STIMATE: variants seen among roughly 807,000 people sequenced by gnomAD.
STIMATE encodes STIM activating enhancer.
In STIMATE, 15 loss-of-function variants were observed where a neutral mutation model predicts 36.7. That is an observed-to-expected ratio of 0.41 (90% CI 0.27 to 0.63). The LOEUF is 0.63. Among genes scored for constraint, STIMATE ranks in the 20% least tolerant of loss-of-function variants. STIMATE has a pLI of 0.32. For missense variants in STIMATE, 305 were observed against 397.3 expected, an observed-to-expected ratio of 0.77 and a Z score of 1.98; for synonymous variants, 163 against 162.3, an observed-to-expected ratio of 1.00 and a Z score of -0.03.
At chr3:52,846,060 G>C (rs1481669893) in intron 4 of STIMATE, among the ~76,000 whole-genome samples, 1 of 152,204 alleles carries the variant, frequency 6.6e-6, no homozygotes, top group East Asian at 1.9e-4. Flanking sequence ...CCCTGTTTGG[G>C]CACCCATGCT....
chr3:52,872,507 A>G (rs1341059084), intron 1 of STIMATE, among the ~76,000 whole-genome samples: 5 of 152,252 alleles, frequency 3.3e-5, no homozygotes, highest in Non-Finnish European at 5.9e-5. Flanking sequence ...AGCTGTACGC[A>G]AGACTGTCAG....
Position 52,842,910 on chromosome 3 carries a change from C to T in STIMATE, c.669G>A (p.Thr223=), listed in dbSNP as rs373651099. 2.0e-4 allele frequency: 323 copies of T among 1,614,206 alleles called. 16 individuals are homozygous for T. In the South Asian group the frequency reaches 3.1e-3, roughly 16 times the overall value. Residue 223 remains threonine (T), a synonymous_variant, in exon 7 of 8, where the codon ACG becomes ACA. Transcript: ENST00000355083. ...VDNFLMRKGK[T]KAKLEERGAN... ...CTCCCCTTTCTTCTAGCTTAGCTTT[C>T]GTCTTCCCCTTTCTCATGAGGAAAT...
At chr3:52,865,792 C>T (rs753106795) in intron 1 of STIMATE, among the ~76,000 whole-genome samples, 1 of 152,216 alleles carries the variant, frequency 6.6e-6, no homozygotes, top group Non-Finnish European at 1.5e-5. Flanking sequence ...ATCCCAGTCC[C>T]TCTGTTTCCC....
At chr3:52,876,018 C>A (rs1400266877) in intron 1 of STIMATE, among the ~76,000 whole-genome samples, 2 of 152,234 alleles carry the variant, frequency 1.3e-5, no homozygotes, top group Admixed American at 6.5e-5. Context: ...GCCTCCTCTA[C>A]TCCCTAAAGC....
intron 1 of STIMATE, among the ~76,000 whole-genome samples, chr3:52,886,909 T>C (rs370340881): frequency 1.2e-4 from 18 of 152,278 alleles, no homozygotes; most frequent in African/African-American, 4.1e-4. Flanking sequence ...AATGTAATCA[T>C]GAGAAAATAT....
At chr3:52,843,187 C>T (rs569591586) in intron 6 of STIMATE, 28 of 847,712 alleles carry the variant, frequency 3.3e-5, no homozygotes, top group Admixed American at 1.2e-4. Flanking sequence ...CGTGCCCTGA[C>T]GGGTTTTTGT....
chr3:52,897,108 G>A (rs2106744701), intron 1 of STIMATE, among the ~76,000 whole-genome samples, 183 bp downstream of exon 1: 1 of 152,284 alleles, frequency 6.6e-6, no homozygotes, highest in East Asian at 1.9e-4. Context: ...CCTGTCTGGA[G>A]GCCACAGCGA....
rs1437355257 is a variant in STIMATE at position 52,839,851 on chromosome 3, T to C, written c.*643A>G. 1 of 152,566 alleles carries C rather than the reference T, an allele frequency of 6.6e-6. No homozygotes were observed. The highest frequency in any genetic ancestry group is 1.5e-5 in the Non-Finnish European group (1 of 68,020). 9.5% of individuals were successfully genotyped at this position (152,566 alleles called of 1,614,324 possible). ...GTTTTTAAATACAATAGTATGAAAATATAACTTAAAAATATAAAAGTCAAA... is the reference window on the plus strand; with the variant it reads ...GTTTTTAAATACAATAGTATGAAAACATAACTTAAAAATATAAAAGTCAAA... On this transcript the variant is annotated 3_prime_UTR_variant, in exon 8 of 8. Transcript: ENST00000355083.
intron 1 of STIMATE, among the ~76,000 whole-genome samples, chr3:52,861,705 C>T (rs764756610): frequency 2.6e-5 from 4 of 152,276 alleles, no homozygotes; most frequent in Middle Eastern, 3.4e-3. Context: ...TCTGTGTGTC[C>T]GTTTTCCCCA....
chr3:52,897,211 C>G, intron 1 of STIMATE, 80 bp downstream of exon 1: 1 of 1,500,556 alleles, frequency 6.7e-7, no homozygotes, highest in South Asian at 1.2e-5. Context: ...CTGAACTCTC[C>G]GCGCAGGAGG....
In STIMATE at chr3:52,897,317, C is replaced by T; in HGVS notation, c.134G>A (p.Gly45Asp). ...SFGIFLQGLLGVVAFSTLMLK... is the reference protein window; with the variant it reads ...SFGIFLQGLLDVVAFSTLMLK... ...CATTAACGTGCTGAAGGCCACGACG[C>T]CGAGCAGCCCCTGCAGGAAGATGCC... Residue 45 changes from glycine to aspartate, a missense_variant, in exon 1 of 8, where the codon GGC (glycine) becomes GAC (aspartate). Physicochemically the swap from Gly to Asp is moderately conservative, Grantham distance 94. This residue lies in a region of STIMATE where 164 missense variants were observed against 257.9 expected (regional missense o/e 0.64). Transcript: ENST00000355083. 1 of 1,554,000 alleles carries T rather than the reference C, an allele frequency of 6.4e-7. No individual in the cohort carries two copies. The highest frequency in any genetic ancestry group is 2.4e-5 in the East Asian group (1 of 41,906).
chr3:52,861,204 A>G (rs931875196), intron 1 of STIMATE, among the ~76,000 whole-genome samples: 1 of 152,186 alleles, frequency 6.6e-6, no homozygotes, highest in African/African-American at 2.4e-5. Flanking sequence ...ACAGAGCTGG[A>G]AGCCAAGGCT....
intron 1 of STIMATE, among the ~76,000 whole-genome samples, chr3:52,878,734 C>G (rs539815527): frequency 6.6e-6 from 1 of 152,198 alleles, no homozygotes; most frequent in African/African-American, 2.4e-5. Context: ...CCAAGAGAAG[C>G]TGGCTGGTTA....
At chr3:52,846,037 T>C (rs1700893102) in intron 4 of STIMATE, among the ~76,000 whole-genome samples, 3 of 152,248 alleles carry the variant, frequency 2.0e-5, no homozygotes, top group African/African-American at 7.2e-5. Flanking sequence ...GGCTTTATTG[T>C]TTCTGCAGCA....
At chr3:52,853,543 T>C (rs369451800) in intron 2 of STIMATE, among the ~76,000 whole-genome samples, 11 of 152,092 alleles carry the variant, frequency 7.2e-5, no homozygotes, top group African/African-American at 2.7e-4. Context: ...GCAGAGATTA[T>C]CCAGACCAAC....
At chr3:52,847,517 C>T in intron 4 of STIMATE, 1 of 1,289,742 alleles carries the variant, frequency 7.8e-7, no homozygotes, top group South Asian at 1.2e-5. Context: ...TCCCTGAGTC[C>T]CGCATTCTCA....
intron 1 of STIMATE, among the ~76,000 whole-genome samples, chr3:52,876,467 C>G (rs570428531): frequency 1.1e-4 from 16 of 152,308 alleles, no homozygotes; most frequent in Non-Finnish European, 2.2e-4. Flanking sequence ...CTACAGTTGG[C>G]CCTTGAAGAA....
At chr3:52,871,241 G>T (rs1701400174) in intron 1 of STIMATE, among the ~76,000 whole-genome samples, 1 of 152,110 alleles carries the variant, frequency 6.6e-6, no homozygotes, top group Non-Finnish European at 1.5e-5. Context: ...CAACCCTCAA[G>T]GATCACACCA....
chr3:52,893,347 C>T (rs934267273), intron 1 of STIMATE, among the ~76,000 whole-genome samples: 10 of 148,446 alleles, frequency 6.7e-5, no homozygotes, highest in African/African-American at 2.5e-4. Context: ...ATGCTGGTCA[C>T]AATTTACCTT....
Sources: allele counts gnomAD v4.1 joint callset (sites outside exome capture counted in the v4.1 genomes callset), GRCh38; gene constraint gnomAD v4.1.1; regional missense constraint gnomAD v4.1.1; transcripts MANE v1.5; gene names NCBI Gene and HGNC (gene_info 2026-07-23, HGNC 2026-07-21).